Variants in TASP1 observed in about 807,000 individuals in gnomAD.
TASP1 encodes taspase 1.
Under a neutral mutation model 56.6 loss-of-function variants are expected in TASP1, and 16 were observed. The ratio of observed to expected loss-of-function variants is 0.28; its 90% confidence interval spans 0.19 to 0.43. The LOEUF is 0.43. TASP1 is among the 20% of genes least tolerant of loss of function. The pLI, the probability that TASP1 is intolerant of heterozygous loss-of-function variation, is 1.00. For missense variants in TASP1, 393 were observed against 511.6 expected (o/e 0.77, Z 2.24); for synonymous variants, 179 against 184.2 (o/e 0.97, Z 0.23).
At chr20:13,523,531 TGTTAA>T (rs772043297) in intron 10 of TASP1, among the ~76,000 whole-genome samples, 24 of 152,276 alleles carry the variant, frequency 1.6e-4, no homozygotes, top group Non-Finnish European at 3.1e-4. Flanking sequence ...GACCTCTGGT[TGTTAA>T]GTTGAGAAAT....
chr20:13,381,667 C>G, the TASP1 span, among the ~76,000 whole-genome samples: 1 of 152,156 alleles, frequency 6.6e-6, no homozygotes, highest in African/African-American at 2.4e-5. Context: ...CACCCTTATG[C>G]TTGCACTTCT....
At chr20:13,268,509 C>A in the TASP1 span, among the ~76,000 whole-genome samples, 1 of 152,090 alleles carries the variant, frequency 6.6e-6, no homozygotes, top group Non-Finnish European at 1.5e-5. Flanking sequence ...AGACGAAAAC[C>A]ATGGCAGAGA....
chr20:13,595,648 A>G (rs1295205725), intron 4 of TASP1, among the ~76,000 whole-genome samples: 2 of 152,214 alleles, frequency 1.3e-5, no homozygotes, highest in African/African-American at 2.4e-5. Context: ...CATAATGGTA[A>G]AGGGATCAAT....
chr20:13,549,506 C>T (rs181777833), intron 8 of TASP1, among the ~76,000 whole-genome samples: 14 of 151,896 alleles, frequency 9.2e-5, no homozygotes, highest in African/African-American at 3.4e-4. Context: ...GTCTTATTAG[C>T]TATACATGTG....
chr20:13,505,260 C>A (rs542918492), intron 10 of TASP1, among the ~76,000 whole-genome samples: 1 of 152,030 alleles, frequency 6.6e-6, no homozygotes, highest in African/African-American at 2.4e-5. Flanking sequence ...CATCAGAATA[C>A]CTAAACAAAT....
intron 9 of TASP1, among the ~76,000 whole-genome samples, chr20:13,532,843 T>G (rs555509312): frequency 7.9e-5 from 12 of 152,316 alleles, no homozygotes; most frequent in African/African-American, 2.9e-4. Flanking sequence ...ATGCCAAGCT[T>G]GACTTTCCTA....
chr20:13,619,362 T>C (rs1200103759), intron 4 of TASP1, among the ~76,000 whole-genome samples: 1 of 152,212 alleles, frequency 6.6e-6, no homozygotes, highest in Non-Finnish European at 1.5e-5. Context: ...AAGTCTGTCG[T>C]TCATATTTCA....
intron 10 of TASP1, among the ~76,000 whole-genome samples, chr20:13,488,274 CA>C (rs1351031781): frequency 6.6e-6 from 1 of 151,516 alleles, no homozygotes; most frequent in East Asian, 1.9e-4. Flanking sequence ...GGACCAAAGG[CA>C]ACAAGAAAAT....
At chr20:13,407,086 C>T (rs2041954323) in intron 13 of TASP1, among the ~76,000 whole-genome samples, 1 of 152,140 alleles carries the variant, frequency 6.6e-6, no homozygotes, top group African/African-American at 2.4e-5. Context: ...TTTTTAACAG[C>T]TTTACTGAGA....
intron 10 of TASP1, among the ~76,000 whole-genome samples, chr20:13,503,222 A>T (rs1437253353): frequency 6.6e-6 from 1 of 151,998 alleles, no homozygotes; most frequent in Non-Finnish European, 1.5e-5. Flanking sequence ...TAACACCCCT[A>T]AACAGCCCCA....
chr20:13,150,306 A>G, the TASP1 span, among the ~76,000 whole-genome samples: 5 of 152,358 alleles, frequency 3.3e-5, no homozygotes, highest in East Asian at 1.9e-4. Flanking sequence ...CAAGGGACAC[A>G]TCAGCATGTT....
the TASP1 span, among the ~76,000 whole-genome samples, chr20:13,296,746 G>A: frequency 9.4e-3 from 1,424 of 152,298 alleles, 18 homozygotes; most frequent in African/African-American, 0.032. Context: ...TCAGCCAGGC[G>A]TGGTGGCTTA....
the TASP1 span, among the ~76,000 whole-genome samples, chr20:13,209,794 A>G: frequency 6.6e-5 from 10 of 152,236 alleles, no homozygotes; most frequent in African/African-American, 1.9e-4. Context: ...ATGCTAAGGC[A>G]CTTATAACAA....
chr20:13,567,530 G>A (rs1028215506), intron 7 of TASP1, among the ~76,000 whole-genome samples: 1 of 151,628 alleles, frequency 6.6e-6, no homozygotes, highest in Non-Finnish European at 1.5e-5. Context: ...TAAATGTCCA[G>A]ACTTAATGTG....
the TASP1 span, among the ~76,000 whole-genome samples, chr20:13,148,881 C>G: frequency 6.6e-6 from 1 of 152,190 alleles, no homozygotes; most frequent in Non-Finnish European, 1.5e-5. Flanking sequence ...ATGGCAATTC[C>G]CCTTTCAACG....
At chr20:13,171,872 T>C in the TASP1 span, among the ~76,000 whole-genome samples, 1 of 152,078 alleles carries the variant, frequency 6.6e-6, no homozygotes, top group Non-Finnish European at 1.5e-5. Context: ...CTAATTATGA[T>C]CTTTGTAGGT....
the TASP1 span, among the ~76,000 whole-genome samples, chr20:13,219,205 G>C: frequency 5.8e-4 from 89 of 152,304 alleles, no homozygotes; most frequent in African/African-American, 2.1e-3. Context: ...GTTCCTGCGA[G>C]CCCGTATCAT....
chr20:13,564,158 A>G (rs768429417), intron 7 of TASP1, among the ~76,000 whole-genome samples: 1 of 152,182 alleles, frequency 6.6e-6, no homozygotes, highest in Non-Finnish European at 1.5e-5. Context: ...TTGATCTTAT[A>G]CTTGGAACAT....
chr20:13,147,987 G>A, the TASP1 span, among the ~76,000 whole-genome samples: 15 of 152,244 alleles, frequency 9.9e-5, no homozygotes, highest in South Asian at 2.1e-4. Flanking sequence ...TCACAAACTC[G>A]TCAACCCCAT....
Sources: gnomAD v4.1 joint callset for allele counts (sites outside exome capture counted in the v4.1 genomes callset) on GRCh38, gnomAD v4.1.1 for gene constraint, MANE v1.5 for transcripts, NCBI Gene and HGNC (gene_info 2026-07-23, HGNC 2026-07-21) for gene names.